The following ZFHX3 variants were observed in gnomAD, a reference collection of about 807,000 sequenced individuals.
ZFHX3 encodes zinc finger homeobox 3.
A neutral mutation model predicts 279.1 loss-of-function variants in ZFHX3; 42 were observed. That is an observed-to-expected ratio of 0.15 (90% CI 0.12 to 0.19). The LOEUF (loss-of-function observed/expected upper bound fraction) is 0.19. Ranked by LOEUF, ZFHX3 falls within the 10% of genes least tolerant of loss-of-function variation. The pLI, the probability that ZFHX3 is intolerant of heterozygous loss-of-function variation, is 1.00. For synonymous variants in ZFHX3, 2,293 were observed against 1,957.8 expected (o/e 1.17, Z -4.52); for missense variants, 4,981 against 4,754.0 (o/e 1.05, Z -1.40).
chr16:73,759,840 C>A (rs1308392301), intron 1 of ZFHX3, among the ~76,000 whole-genome samples: 1 of 150,268 alleles, frequency 6.7e-6, no homozygotes, highest in Admixed American at 6.6e-5. Flanking sequence ...ATTTTGCTTA[C>A]CAGAGCTAAC....
chr16:73,084,204 C>G (rs1211170467), intron 8 of ZFHX3, among the ~76,000 whole-genome samples: 1 of 152,190 alleles, frequency 6.6e-6, no homozygotes, highest in African/African-American at 2.4e-5. Flanking sequence ...TGCACACTTT[C>G]ACCATTTTTA....
chr16:73,110,314 T>C (rs534389725), intron 7 of ZFHX3, among the ~76,000 whole-genome samples: 1 of 152,316 alleles, frequency 6.6e-6, no homozygotes, highest in East Asian at 1.9e-4. Context: ...AAACAGGTTG[T>C]GTCTATTTGC....
chr16:72,891,749 G>A (rs1404570688), intron 3 of ZFHX3, among the ~76,000 whole-genome samples: 4 of 152,174 alleles, frequency 2.6e-5, no homozygotes. Context: ...GTGCTCCTGT[G>A]ATTACGTGTC....
At chr16:73,761,837 A>G (rs2053870890) in intron 1 of ZFHX3, among the ~76,000 whole-genome samples, 1 of 152,198 alleles carries the variant, frequency 6.6e-6, no homozygotes, top group Non-Finnish European at 1.5e-5. Flanking sequence ...TTAACTCAAG[A>G]TGGATTAAAG....
chr16:73,433,993 AG>A (rs973289272), intron 3 of ZFHX3, among the ~76,000 whole-genome samples: 41 of 152,092 alleles, frequency 2.7e-4, no homozygotes, highest in African/African-American at 8.9e-4. Flanking sequence ...CCCTTCTGGG[AG>A]GGGGGCGAGC....
rs142507295 is a variant in ZFHX3 at position 73,500,315 on chromosome 16, TTTTGTTTGTTTG to T, written c.-1546-44069_-1546-44058del. Reference sequence around the variant, plus strand: ...TTGTGCCCTACTTGGGTTTTTGTTTTTTTGTTTGTTTGTTTGTTTGTTTGTTTTTTGAGAGAG... The same window carrying T: ...TTGTGCCCTACTTGGGTTTTTGTTTTTTTGTTTGTTTGTTTTTTGAGAGAG... On this transcript the variant is annotated intron_variant, in intron 2 of 17. Transcript: ENST00000641206. 5 of 154,224 alleles carry T rather than the reference TTTTGTTTGTTTG, an allele frequency of 3.2e-5. No homozygotes were observed. The East Asian group carries it at 5.7e-4, about 18-fold the overall frequency. The allele number at this position is 154,224 out of a possible 1,614,324, so 9.6% of individuals were successfully genotyped here.
chr16:73,061,173 C>T (rs1236171413), upstream of ZFHX3: 1 of 152,196 alleles, frequency 6.6e-6, no homozygotes, highest in Non-Finnish European at 1.5e-5. Context: ...CTACAGGTTT[C>T]ACCAGTCAGT....
At chr16:73,470,442 C>T (rs1383102017) in intron 2 of ZFHX3, among the ~76,000 whole-genome samples, 1 of 152,124 alleles carries the variant, frequency 6.6e-6, no homozygotes, top group Non-Finnish European at 1.5e-5. Context: ...TTGAGCACAG[C>T]AGAAAGCACA....
intron 3 of ZFHX3, among the ~76,000 whole-genome samples, chr16:73,430,328 G>T (rs1188390673): frequency 1.1e-4 from 17 of 152,144 alleles, no homozygotes; most frequent in Non-Finnish European, 1.5e-5. Context: ...TATTGCATCA[G>T]ACATACTTAA....
intron 2 of ZFHX3, among the ~76,000 whole-genome samples, chr16:73,665,459 C>A (rs2052827501): frequency 6.6e-6 from 1 of 151,750 alleles, no homozygotes; most frequent in Non-Finnish European, 1.5e-5. Flanking sequence ...AGTGATACAC[C>A]CACCTCGGCC....
intron 4 of ZFHX3, among the ~76,000 whole-genome samples, chr16:73,288,009 G>A (rs559789293): frequency 3.1e-4 from 47 of 152,230 alleles, no homozygotes; most frequent in African/African-American, 1.1e-3. Flanking sequence ...TCACAGGATA[G>A]AGAGCGTCCC....
chr16:73,468,545 G>A (rs2018610782), intron 2 of ZFHX3, among the ~76,000 whole-genome samples: 1 of 152,142 alleles, frequency 6.6e-6, no homozygotes, highest in East Asian at 1.9e-4. Context: ...AGACCAGCCT[G>A]GCCAACATGG....
intron 2 of ZFHX3, among the ~76,000 whole-genome samples, chr16:73,585,151 C>T (rs909618195): frequency 1.3e-5 from 2 of 152,206 alleles, no homozygotes; most frequent in African/African-American, 2.4e-5. Flanking sequence ...GGTGCGGTGG[C>T]TCACACTTGT....
chr16:73,160,568 T>C (rs1243132641), intron 5 of ZFHX3, among the ~76,000 whole-genome samples: 2 of 152,134 alleles, frequency 1.3e-5, no homozygotes, highest in Non-Finnish European at 2.9e-5. Flanking sequence ...TCCCTCCATC[T>C]ACATAGAGGG....
intron 1 of ZFHX3, among the ~76,000 whole-genome samples, chr16:73,047,115 A>G (rs886076294): frequency 1.3e-5 from 2 of 152,146 alleles, no homozygotes; most frequent in Admixed American, 1.3e-4. Context: ...CCAAGCCTAC[A>G]ATGCTTCTTT....
intron 4 of ZFHX3, among the ~76,000 whole-genome samples, chr16:72,867,467 ACAAAACATAC>A (rs1048974094): frequency 2.0e-5 from 3 of 152,330 alleles, no homozygotes; most frequent in African/African-American, 4.8e-5. Flanking sequence ...CTTTCAGAAG[ACAAAACATAC>A]CAAAACATAC....
chr16:73,444,244 A>G (rs1385348478), intron 3 of ZFHX3, among the ~76,000 whole-genome samples: 1 of 152,232 alleles, frequency 6.6e-6, no homozygotes, highest in Non-Finnish European at 1.5e-5. Context: ...TCCCTCTGCC[A>G]TGAATATACA....
At chr16:73,412,955 A>G (rs1260464813) in intron 3 of ZFHX3, among the ~76,000 whole-genome samples, 1 of 152,212 alleles carries the variant, frequency 6.6e-6, no homozygotes, top group Non-Finnish European at 1.5e-5. Flanking sequence ...AACAGGAGCG[A>G]TCAACTCACC....
chr16:72,919,218 GTA>G (rs961450127), intron 3 of ZFHX3, among the ~76,000 whole-genome samples: 8 of 151,676 alleles, frequency 5.3e-5, no homozygotes, highest in African/African-American at 1.9e-4. Flanking sequence ...GTGTGCAGAG[GTA>G]TAGTCACAGC....
Sources: gnomAD v4.1 joint callset for allele counts (sites outside exome capture counted in the v4.1 genomes callset) on GRCh38, gnomAD v4.1.1 for gene constraint, MANE v1.5 for transcripts, NCBI Gene and HGNC (gene_info 2026-07-23, HGNC 2026-07-21) for gene names.